COX16: variants seen among roughly 807,000 people sequenced by gnomAD.
COX16 encodes the protein cytochrome c oxidase assembly protein COX16 homolog, mitochondrial.
In COX16, 12 loss-of-function variants were observed where a neutral mutation model predicts 15.4. The observed-to-expected ratio is 0.78, with a 90% CI of 0.50 to 1.26. The LOEUF (loss-of-function observed/expected upper bound fraction) is 1.26. COX16 is among the 50% of genes most tolerant of loss of function. The pLI is 0.00. For synonymous variants in COX16, 46 were observed against 41.1 expected, an observed-to-expected ratio of 1.12 and a Z score of -0.46; for missense variants, 124 against 127.6, an observed-to-expected ratio of 0.97 and a Z score of 0.14.
At chr14:70,326,817 AAAT>A (rs1480441415) in intron 3 of COX16, among the ~76,000 whole-genome samples, 1 of 152,056 alleles carries the variant, frequency 6.6e-6, no homozygotes, top group African/African-American at 2.4e-5. Flanking sequence ...TGATGGTAGA[AAAT>A]AAGAAGAAAA....
Position 70,333,795 on chromosome 14 carries a change from C to T in COX16, c.142-4559G>A, listed in dbSNP as rs546511046. ...CCCCAAGACATATTATAATCAAACT[C>T]TCAAACACCAAAGTCAAAGATAAGA... is the stretch of plus-strand genomic sequence containing the variant. On this transcript the variant is annotated intron_variant, in intron 2 of 3. Coordinates refer to ENST00000389912, the MANE Select transcript of COX16 (RefSeq NM_016468.7). Among the ~76,000 whole-genome samples the T allele has an allele frequency of 1.1e-4, 17 of 152,236 alleles. 1 individual carries two copies. Among genetic ancestry groups the T allele is most frequent in the Middle Eastern group, 3.4e-3 (1 of 294 alleles).
At chr14:70,344,220 A>T (rs746165186) in intron 1 of COX16, among the ~76,000 whole-genome samples, 1 of 152,266 alleles carries the variant, frequency 6.6e-6, no homozygotes, top group Non-Finnish European at 1.5e-5. Context: ...TCTTGGAGCC[A>T]GAGGCTGCAT....
At chr14:70,328,234 C>T (rs1886155356) in intron 3 of COX16, 1 of 123,870 alleles carries the variant, frequency 8.1e-6, no homozygotes, top group Non-Finnish European at 1.7e-5. Flanking sequence ...TGAGTCCCAA[C>T]AAGGGAGAAG....
At chr14:70,333,302 G>C (rs1886348841) in intron 2 of COX16, among the ~76,000 whole-genome samples, 1 of 152,164 alleles carries the variant, frequency 6.6e-6, no homozygotes, top group Non-Finnish European at 1.5e-5. Flanking sequence ...GAAAATGGCT[G>C]TTTCAAGGAA....
intron 1 of COX16, among the ~76,000 whole-genome samples, chr14:70,348,776 G>C (rs1031654313): frequency 6.6e-6 from 1 of 152,162 alleles, no homozygotes; most frequent in African/African-American, 2.4e-5. Context: ...AAACACTCCT[G>C]TCATAAATGG....
At chr14:70,353,329 G>C (rs1887022373) in intron 1 of COX16, among the ~76,000 whole-genome samples, 1 of 149,292 alleles carries the variant, frequency 6.7e-6, no homozygotes, top group African/African-American at 2.4e-5. Context: ...GCTGAAAGAT[G>C]TAGCCATTTG....
intron 2 of COX16, among the ~76,000 whole-genome samples, chr14:70,335,892 A>G (rs1319186070): frequency 6.6e-6 from 1 of 152,202 alleles, no homozygotes; most frequent in Non-Finnish European, 1.5e-5. Flanking sequence ...TAAAATTCAA[A>G]ACAAAGAAAA....
At chr14:70,336,157 G>A (rs1325090449) in intron 2 of COX16, among the ~76,000 whole-genome samples, 3 of 152,212 alleles carry the variant, frequency 2.0e-5, no homozygotes, top group Non-Finnish European at 4.4e-5. Flanking sequence ...TCGGGAGGCT[G>A]AGGCAGGAGA....
At chr14:70,357,272 G>A (rs951481790) in intron 1 of COX16, among the ~76,000 whole-genome samples, 5 of 150,686 alleles carry the variant, frequency 3.3e-5, no homozygotes, top group African/African-American at 1.2e-4. Flanking sequence ...ACTCTGAAAA[G>A]CTCAAATATA....
rs1327037308 is a variant in COX16, at chr14:70,326,580, T to C, written c.205-131A>G. ...GGTCCTCGATTACAACTGTAGCAAA[T>C]AAATCAACTACAATCATTGATGAAA... On this transcript the variant is annotated intron_variant, in intron 3 of 3. Transcript: ENST00000389912. 6 of 531,654 alleles carry C rather than the reference T, an allele frequency of 1.1e-5. No individual in the cohort carries two copies. The East Asian group carries it at 2.2e-4, about 19-fold the overall frequency. 32.9% of individuals were successfully genotyped at this position (531,654 alleles called of 1,614,324 possible). A position where few individuals can be genotyped will look rare whatever the true frequency, so the allele number is the denominator to read the frequency against.
intron 1 of COX16, chr14:70,359,290 TC>T (rs1486974720): frequency 3.2e-6 from 2 of 628,704 alleles, no homozygotes; most frequent in Non-Finnish European, 5.9e-6. Context: ...AGCAGACAGA[TC>T]CTAGTACACC....
chr14:70,337,315 G>A (rs1456083643), intron 2 of COX16, among the ~76,000 whole-genome samples: 3 of 151,992 alleles, frequency 2.0e-5, no homozygotes, highest in African/African-American at 7.2e-5. Context: ...TTTCCTCCAG[G>A]AAAGGCTTAT....
At chr14:70,355,238 T>C (rs1472185962) in intron 1 of COX16, among the ~76,000 whole-genome samples, 1 of 152,182 alleles carries the variant, frequency 6.6e-6, no homozygotes, top group Non-Finnish European at 1.5e-5. Context: ...TTACTTATTT[T>C]CATCTGATTT....
chr14:70,335,423 TC>T (rs944684912), intron 2 of COX16, among the ~76,000 whole-genome samples: 2 of 152,100 alleles, frequency 1.3e-5, no homozygotes, highest in African/African-American at 4.8e-5. Context: ...CATGGAATAT[TC>T]TCCAGGATAG....
At chr14:70,333,029 G>C (rs576792348) in intron 2 of COX16, among the ~76,000 whole-genome samples, 1 of 152,202 alleles carries the variant, frequency 6.6e-6, no homozygotes, top group Non-Finnish European at 1.5e-5. Context: ...GGCTGAGGCA[G>C]CTCAGGTGGA....
At chr14:70,330,979 CAT>C (rs1416540821) in intron 2 of COX16, among the ~76,000 whole-genome samples, 1 of 151,844 alleles carries the variant, frequency 6.6e-6, no homozygotes, top group African/African-American at 2.4e-5. Flanking sequence ...TCTTAAAAAT[CAT>C]AAAGTAAAAG....
chr14:70,332,673 G>A (rs1471841480), intron 2 of COX16, among the ~76,000 whole-genome samples: 1 of 152,200 alleles, frequency 6.6e-6, no homozygotes, highest in Non-Finnish European at 1.5e-5. Flanking sequence ...TGGAAGTTGA[G>A]GAACTACCCC....
At chr14:70,339,844 T>C (rs528904377) in intron 2 of COX16, among the ~76,000 whole-genome samples, 1 of 152,278 alleles carries the variant, frequency 6.6e-6, no homozygotes, top group East Asian at 1.9e-4. Flanking sequence ...CTGATCCTTC[T>C]CACCTCAACC....
intron 2 of COX16, among the ~76,000 whole-genome samples, chr14:70,329,938 T>C (rs1886227960): frequency 6.6e-6 from 1 of 151,494 alleles, no homozygotes; most frequent in Admixed American, 6.6e-5. Context: ...AAAAATGAGA[T>C]GAATGAAAAA....
Sources: allele counts gnomAD v4.1 joint callset (sites outside exome capture counted in the v4.1 genomes callset), GRCh38; gene constraint gnomAD v4.1.1; transcripts MANE v1.5; gene names NCBI Gene and HGNC (gene_info 2026-07-23, HGNC 2026-07-21).